Variants in COL21A1 observed in about 807,000 individuals in gnomAD.
COL21A1 encodes the protein collagen type XXI alpha 1 chain.
In COL21A1, 149 loss-of-function variants were observed where a neutral mutation model predicts 137.9. The observed-to-expected ratio is 1.08, with a 90% CI of 0.95 to 1.24. COL21A1 has a LOEUF of 1.24. Among genes scored for constraint, COL21A1 ranks in the 50% most tolerant of loss-of-function variants. The pLI is 0.00. For synonymous variants in COL21A1, 456 were observed against 391.5 expected (o/e 1.16, Z -1.95); for missense variants, 1,167 against 1,158.4 (o/e 1.01, Z -0.11).
At position 56,166,939 on chromosome 6, in the gene COL21A1, G is replaced by A. The variant is rs1776629990; in HGVS notation, c.1245C>T (p.Asn415=). The A allele has an allele frequency of 6.2e-7, 1 of 1,612,672 alleles. No homozygotes were observed. The highest frequency in any genetic ancestry group is 1.7e-5 in the Admixed American group (1 of 59,908). ...GAATCTCACATGCTGTCTCCCGGTTGTTCTGTTCTGGGTCACAGTAGATTC... is the reference window on the plus strand; with the variant it reads ...GAATCTCACATGCTGTCTCCCGGTTATTCTGTTCTGGGTCACAGTAGATTC... The part of the protein sequence containing the change: ...KLRIYCDPEQ[N]NRETACEIPG... The change falls in exon 7 of 30, where the codon AAC becomes AAT. Residue 415 remains asparagine (N), a synonymous_variant. Coordinates refer to ENST00000244728, the MANE Select transcript of COL21A1 (RefSeq NM_030820.4).
At chr6:56,091,953 A>G (rs891147180) in intron 17 of COL21A1, among the ~76,000 whole-genome samples, 2 of 152,298 alleles carry the variant, frequency 1.3e-5, no homozygotes, top group East Asian at 3.9e-4. Flanking sequence ...TGCCCAAGAT[A>G]AAATCAGAGT....
chr6:56,383,828 A>C (rs1312969381), intron 1 of COL21A1, among the ~76,000 whole-genome samples: 1 of 152,182 alleles, frequency 6.6e-6, no homozygotes, highest in Non-Finnish European at 1.5e-5. Flanking sequence ...AAAATGTGAT[A>C]ATTTCAGGCA....
intron 1 of COL21A1, among the ~76,000 whole-genome samples, chr6:56,389,406 T>TA (rs796964814): frequency 0.028 from 3,842 of 135,646 alleles, 140 homozygotes; most frequent in African/African-American, 0.092. Flanking sequence ...GAGAAAAAAT[T>TA]AAAAAAAAAA....
intron 20 of COL21A1, 93 bp from the exon 21 acceptor site, chr6:56,070,891 CTT>C (rs1766686128): frequency 1.0e-6 from 1 of 970,592 alleles, no homozygotes; most frequent in Non-Finnish European, 1.5e-6. Context: ...TGTAAAATAA[CTT>C]TTACATTTTT....
intron 1 of COL21A1, among the ~76,000 whole-genome samples, chr6:56,309,237 C>G (rs1443274638): frequency 6.6e-6 from 1 of 152,086 alleles, no homozygotes; most frequent in Non-Finnish European, 1.5e-5. Flanking sequence ...GACAGGGTTT[C>G]ACCATGTTGG....
intron 16 of COL21A1, among the ~76,000 whole-genome samples, chr6:56,116,414 A>C (rs796652174): frequency 2.2e-3 from 334 of 150,910 alleles, no homozygotes; most frequent in African/African-American, 7.7e-3. Context: ...AAAAAAAAAA[A>C]AAAAAAAAAA....
At chr6:56,245,845 G>A (rs1782610517) in intron 1 of COL21A1, among the ~76,000 whole-genome samples, 1 of 152,074 alleles carries the variant, frequency 6.6e-6, no homozygotes, top group Non-Finnish European at 1.5e-5. Context: ...ATATACCTCA[G>A]TCACAAATTG....
intron 20 of COL21A1, among the ~76,000 whole-genome samples, chr6:56,072,388 A>G (rs1486528734): frequency 1.3e-5 from 2 of 151,514 alleles, no homozygotes; most frequent in Non-Finnish European, 3.0e-5. Context: ...ATGTTTCTGC[A>G]GCTATTTTTA....
At chr6:56,271,528 TGG>T (rs1763525590) in intron 1 of COL21A1, among the ~76,000 whole-genome samples, 1 of 152,170 alleles carries the variant, frequency 6.6e-6, no homozygotes, top group Non-Finnish European at 1.5e-5. Context: ...CCCGACTATG[TGG>T]TAGAAAATAA....
intron 17 of COL21A1, among the ~76,000 whole-genome samples, chr6:56,081,923 C>A (rs868433037): frequency 6.6e-6 from 1 of 151,746 alleles, no homozygotes; most frequent in South Asian, 2.1e-4. Context: ...ACAAGTTTCA[C>A]CTTATAGGCT....
chr6:56,154,966 T>C (rs775576323), intron 10 of COL21A1, among the ~76,000 whole-genome samples: 1 of 152,210 alleles, frequency 6.6e-6, no homozygotes, highest in Admixed American at 6.5e-5. Context: ...GTTTGTTACA[T>C]AGGTAAACTT....
intron 1 of COL21A1, among the ~76,000 whole-genome samples, chr6:56,384,750 AC>A (rs1167043665): frequency 1.3e-5 from 2 of 152,130 alleles, no homozygotes; most frequent in African/African-American, 4.8e-5. Flanking sequence ...ACTCAACCCC[AC>A]TTCTGCTAAT....
chr6:56,331,339 C>T (rs566069581), intron 1 of COL21A1, among the ~76,000 whole-genome samples: 90 of 151,366 alleles, frequency 5.9e-4, no homozygotes, highest in African/African-American at 2.0e-3. Context: ...AGGTCTTTGT[C>T]ATAAATTCTT....
chr6:56,342,390 A>AT (rs1256155048), intron 1 of COL21A1, among the ~76,000 whole-genome samples: 1 of 152,230 alleles, frequency 6.6e-6, no homozygotes, highest in Non-Finnish European at 1.5e-5. Flanking sequence ...CCTAACTCCC[A>AT]TATTATTTGT....
At chr6:56,167,821 T>G (rs904796337) in intron 6 of COL21A1, among the ~76,000 whole-genome samples, 5 of 152,172 alleles carry the variant, frequency 3.3e-5, no homozygotes, top group African/African-American at 1.2e-4. Context: ...TTTTCCAAAT[T>G]TATTACTTAA....
At chr6:56,305,072 A>C (rs1764408140) in intron 1 of COL21A1, among the ~76,000 whole-genome samples, 1 of 152,108 alleles carries the variant, frequency 6.6e-6, no homozygotes, top group African/African-American at 2.4e-5. Flanking sequence ...CTGAGTTCTA[A>C]TTTGATTGCA....
At chr6:56,075,247 C>T (rs1408539088) in intron 19 of COL21A1, among the ~76,000 whole-genome samples, 2 of 151,208 alleles carry the variant, frequency 1.3e-5, no homozygotes, top group Non-Finnish European at 3.0e-5. Flanking sequence ...CAGTTAGGGT[C>T]CCTGATGTTT....
At chr6:56,355,255 A>G (rs1765804629) in intron 1 of COL21A1, among the ~76,000 whole-genome samples, 1 of 152,222 alleles carries the variant, frequency 6.6e-6, no homozygotes, top group African/African-American at 2.4e-5. Context: ...TATGAATCTG[A>G]TCATACTTCT....
intron 17 of COL21A1, among the ~76,000 whole-genome samples, chr6:56,097,538 G>T (rs1296323874): frequency 6.6e-6 from 1 of 151,346 alleles, no homozygotes; most frequent in Non-Finnish European, 1.5e-5. Flanking sequence ...AGAAAAAAAA[G>T]AAAAGAAGGA....
Sources: gnomAD v4.1 joint callset for allele counts (sites outside exome capture counted in the v4.1 genomes callset) on GRCh38, gnomAD v4.1.1 for gene constraint, MANE v1.5 for transcripts, NCBI Gene and HGNC (gene_info 2026-07-23, HGNC 2026-07-21) for gene names.